The following METTL8 variants were observed in gnomAD, a reference collection of about 807,000 sequenced individuals.
METTL8 encodes tRNA N(3)-cytidine methyltransferase METTL8, mitochondrial.
A neutral mutation model predicts 48.7 loss-of-function variants in METTL8; 32 were observed. The ratio of observed to expected loss-of-function variants is 0.66; its 90% CI spans 0.50 to 0.88. The LOEUF is 0.88. Ranked by LOEUF, METTL8 falls within the 40% of genes least tolerant of loss-of-function variation. METTL8 has a pLI of 0.00. For synonymous variants in METTL8, 136 were observed against 157.1 expected (o/e 0.87, Z 1.01); for missense variants, 464 against 474.4 (o/e 0.98, Z 0.20).
chr2:171,365,633 T>C (rs976722917), intron 2 of METTL8, among the ~76,000 whole-genome samples: 67 of 152,304 alleles, frequency 4.4e-4, no homozygotes, highest in Admixed American at 3.6e-3. Flanking sequence ...TCATATTTAT[T>C]ACATAGTTAC....
intron 1 of METTL8, among the ~76,000 whole-genome samples, chr2:171,417,609 T>C (rs1255380958): frequency 6.6e-6 from 1 of 152,224 alleles, no homozygotes; most frequent in Admixed American, 6.5e-5. Context: ...GGCTGAGATC[T>C]GAACCCAGGC....
At chr2:171,341,015 C>A (rs1387950611) in intron 3 of METTL8, among the ~76,000 whole-genome samples, 1 of 152,196 alleles carries the variant, frequency 6.6e-6, no homozygotes, top group Non-Finnish European at 1.5e-5. Flanking sequence ...CTTTCTGCCT[C>A]TTCCTATTTG....
intron 1 of METTL8, among the ~76,000 whole-genome samples, chr2:171,419,021 CA>C (rs58215216): frequency 0.056 from 7,335 of 131,906 alleles, 462 homozygotes; most frequent in African/African-American, 0.16. Flanking sequence ...GACCCTGTCT[CA>C]AAAAAAAAAA....
intron 2 of METTL8, among the ~76,000 whole-genome samples, chr2:171,379,478 G>T (rs1559141332): frequency 6.6e-6 from 1 of 151,882 alleles, no homozygotes; most frequent in Non-Finnish European, 1.5e-5. Flanking sequence ...CCAGGAGCTG[G>T]TTTTTTGAAA....
rs1233197035 is a variant in METTL8, at chr2:171,392,027, T to TA, written c.143+15dup. ...TAAGAAACACACATAATATCAGATT[T>TA]AAAAAGAAAACTCACCACATGTTGT... is the stretch of plus-strand genomic sequence containing the variant. On this transcript the variant is annotated intron_variant, in intron 2 of 9. Transcript: ENST00000375258. 1 of 1,543,416 alleles carries TA rather than the reference T, an allele frequency of 6.5e-7. No individual in the cohort carries two copies.
chr2:171,424,147 G>C (rs1344065556), intron 1 of METTL8, among the ~76,000 whole-genome samples: 1 of 152,210 alleles, frequency 6.6e-6, no homozygotes, highest in Non-Finnish European at 1.5e-5. Context: ...GTCAAGAACT[G>C]AGTTTGAGGA....
chr2:171,331,235 C>T (rs965606162), intron 6 of METTL8, among the ~76,000 whole-genome samples: 4 of 152,100 alleles, frequency 2.6e-5, no homozygotes, highest in Admixed American at 2.6e-4. Context: ...CTCAGCCTCC[C>T]AAGTAGCTGG....
rs1301746530 is a variant in METTL8 at position 171,324,208 on chromosome 2, G to A, written c.1188C>T (p.Ser396=). The A allele has an allele frequency of 5.2e-6, 8 of 1,550,162 alleles. No individual in the cohort carries two copies. The South Asian group carries it at 9.5e-5, about 18-fold the overall frequency. The change falls in exon 10 of 10, where the codon AGC becomes AGT. Residue 396 remains serine, a synonymous_variant. Transcript: ENST00000375258. Reference sequence around the variant, plus strand: ...AAAGGAGTGTAGATACCATATTGGAGCTATTCTGAGTCTGGTGCAATGGTT... The same window carrying A: ...AAAGGAGTGTAGATACCATATTGGAACTATTCTGAGTCTGGTGCAATGGTT... ...FQKPLHQTQN[S]SNMVSTLLSQ...
At chr2:171,357,296 C>A (rs1223751476) in intron 3 of METTL8, among the ~76,000 whole-genome samples, 2 of 152,002 alleles carry the variant, frequency 1.3e-5, no homozygotes, top group Non-Finnish European at 2.9e-5. Context: ...CCTAAAGACT[C>A]CACCAAAAAA....
chr2:171,411,202 T>C (rs2105622594), intron 1 of METTL8, among the ~76,000 whole-genome samples: 1 of 152,328 alleles, frequency 6.6e-6, no homozygotes, highest in South Asian at 2.1e-4. Flanking sequence ...GATTCAATAC[T>C]GTAAAAATAT....
intron 3 of METTL8, among the ~76,000 whole-genome samples, chr2:171,357,064 T>A (rs1335056502): frequency 1.3e-5 from 2 of 150,784 alleles, no homozygotes; most frequent in Non-Finnish European, 2.9e-5. Context: ...TTCAAGTGAT[T>A]CTCCCACCTC....
chr2:171,371,717 A>C (rs1364351097), intron 2 of METTL8, among the ~76,000 whole-genome samples: 1 of 151,446 alleles, frequency 6.6e-6, no homozygotes, highest in African/African-American at 2.4e-5. Context: ...TGACAGCCTC[A>C]AACTCCTGAG....
chr2:171,424,316 C>T (rs971759198), intron 1 of METTL8, among the ~76,000 whole-genome samples: 15 of 152,154 alleles, frequency 9.9e-5, no homozygotes, highest in African/African-American at 3.6e-4. Context: ...GGGACACTGC[C>T]TAGTGGAGAT....
intron 2 of METTL8, among the ~76,000 whole-genome samples, chr2:171,386,957 G>GGA (rs1184181918): frequency 1.3e-5 from 2 of 152,122 alleles, no homozygotes; most frequent in Non-Finnish European, 2.9e-5. Context: ...GGCAGCCAGA[G>GGA]GAGAGCCCAG....
intron 2 of METTL8, among the ~76,000 whole-genome samples, chr2:171,371,667 T>C (rs1259945641): frequency 1.3e-5 from 2 of 151,320 alleles, no homozygotes; most frequent in East Asian, 3.9e-4. Flanking sequence ...TATAACAAGG[T>C]TTTTTTAAAA....
chr2:171,410,911 AT>A (rs1690686569), intron 1 of METTL8, among the ~76,000 whole-genome samples: 1 of 152,254 alleles, frequency 6.6e-6, no homozygotes, highest in Admixed American at 6.5e-5. Flanking sequence ...ATCTTTAGAT[AT>A]TACTTAGATA....
At chr2:171,398,750 T>C (rs1369346765) in intron 1 of METTL8, among the ~76,000 whole-genome samples, 1 of 152,162 alleles carries the variant, frequency 6.6e-6, no homozygotes, top group African/African-American at 2.4e-5. Context: ...CAATTGTTAA[T>C]CTGCTTGCCT....
intron 3 of METTL8, among the ~76,000 whole-genome samples, chr2:171,343,439 CAATA>C (rs574312068): frequency 4.7e-5 from 7 of 148,760 alleles, no homozygotes; most frequent in African/African-American, 1.2e-4. Context: ...AACTCCATCT[CAATA>C]AATAAATAAA....
intron 2 of METTL8, among the ~76,000 whole-genome samples, chr2:171,370,153 A>C (rs1686167524): frequency 6.6e-6 from 1 of 152,212 alleles, no homozygotes; most frequent in Non-Finnish European, 1.5e-5. Flanking sequence ...AAATTAAAAA[A>C]TAAACAGACA....
Sources: allele counts gnomAD v4.1 joint callset (sites outside exome capture counted in the v4.1 genomes callset), GRCh38; gene constraint gnomAD v4.1.1; transcripts MANE v1.5; gene names NCBI Gene and HGNC (gene_info 2026-07-23, HGNC 2026-07-21).